Variants in HEPH observed in about 807,000 individuals in gnomAD.
The protein encoded by HEPH is hephaestin.
HEPH carries 69 observed loss-of-function variants against 80.8 expected under a neutral mutation model. The observed-to-expected ratio is 0.85, with a 90% CI of 0.70 to 1.04. The LOEUF (loss-of-function observed/expected upper bound fraction) is 1.04. Ranked by LOEUF, HEPH falls within the 50% of genes least tolerant of loss-of-function variation. The pLI is 0.00. For missense variants in HEPH, 1,115 were observed against 891.3 expected (o/e 1.25, Z -3.20); for synonymous variants, 431 against 322.8 (o/e 1.34, Z -3.60).
intron 15 of HEPH, among the ~76,000 whole-genome samples, chrX:66,225,629 G>T (rs1351702225): frequency 8.9e-6 from 1 of 112,512 alleles, no homozygotes; most frequent in Non-Finnish European, 1.9e-5. Flanking sequence ...TTCAGCCACT[G>T]CATTGATCCT....
At chrX:66,186,913 T>C (rs763647499) in intron 4 of HEPH, among the ~76,000 whole-genome samples, 1 of 111,357 alleles carries the variant, frequency 9.0e-6, no homozygotes, top group African/African-American at 3.3e-5. Context: ...AGGGGCTTTG[T>C]TCATTTTTTC....
chrX:66,250,475 C>G (rs770293992), intron 15 of HEPH, among the ~76,000 whole-genome samples: 1 of 111,207 alleles, frequency 9.0e-6, no homozygotes, highest in African/African-American at 3.3e-5. Context: ...TAATCACCAC[C>G]GCAATCAGGA....
Position 66,203,415 on chromosome X carries a change from G to C in HEPH, c.2129G>C (p.Arg710Thr), listed in dbSNP as rs762620654. The change falls in exon 13 of 21, where the codon AGG (arginine) becomes ACG (threonine). Residue 710 changes from arginine (R) to threonine (T), a missense_variant. Arg to Thr is a moderately conservative substitution (Grantham distance 71). This residue lies in a region of HEPH where 716 missense variants were observed against 523.5 expected (regional missense o/e 1.37). Coordinates refer to ENST00000343002, the MANE Select transcript of HEPH (RefSeq NM_001367233.3). The stretch of plus-strand genomic sequence containing the variant: ...GGCAGCCATCGAGAAGCAGGGATGA[G>C]GGCAATCTATAATGTCTCCCAGTGT... ...QAGSHREAGM[R>T]AIYNVSQCPG... The C allele has an allele frequency of 2.3e-5, 28 of 1,208,104 alleles. No homozygotes were observed. Among genetic ancestry groups the C allele is most frequent in the Middle Eastern group, 4.7e-4 (2 of 4,275 alleles).
chrX:66,170,287 T>C (rs2086538526), intron 1 of HEPH: 1 of 250,965 alleles, frequency 4.0e-6, no homozygotes, highest in Middle Eastern at 1.3e-3. Flanking sequence ...TGCTACACCA[T>C]TGAAAAAACT....
intron 12 of HEPH, among the ~76,000 whole-genome samples, chrX:66,202,964 AT>A (rs1456445808): frequency 5.8e-5 from 6 of 103,408 alleles, no homozygotes; most frequent in Non-Finnish European, 9.7e-5. Context: ...CACATAATAT[AT>A]TTTTATATAT....
At chrX:66,246,079 C>A in intron 15 of HEPH, among the ~76,000 whole-genome samples, 1 of 111,866 alleles carries the variant, frequency 8.9e-6, no homozygotes, top group Non-Finnish European at 1.9e-5. Flanking sequence ...CACAGAGTCC[C>A]AGCAGAAGTG....
chrX:66,228,697 A>G (rs951160775), intron 15 of HEPH, among the ~76,000 whole-genome samples: 1 of 112,079 alleles, frequency 8.9e-6, no homozygotes, highest in Non-Finnish European at 1.9e-5. Flanking sequence ...AAAAAATCCC[A>G]TCAAAATGTG....
chrX:66,232,450 C>A, intron 15 of HEPH, among the ~76,000 whole-genome samples: 1 of 111,504 alleles, frequency 9.0e-6, no homozygotes, highest in Non-Finnish European at 1.9e-5. Flanking sequence ...TGACATCAAC[C>A]ATACCACTAT....
chrX:66,236,941 T>C (rs1436473130), intron 15 of HEPH, among the ~76,000 whole-genome samples: 3 of 111,954 alleles, frequency 2.7e-5, no homozygotes, highest in Non-Finnish European at 5.6e-5. Flanking sequence ...TGGCTATCTG[T>C]ATTTCTGTAG....
chrX:66,240,057 A>G (rs953188725), intron 15 of HEPH, among the ~76,000 whole-genome samples: 6 of 112,341 alleles, frequency 5.3e-5, no homozygotes, highest in Admixed American at 4.7e-4. Context: ...AATGCCTGAA[A>G]GGGAAGTAAA....
At chrX:66,234,960 T>G (rs11797083) in intron 15 of HEPH, among the ~76,000 whole-genome samples, 1,256 of 110,957 alleles carry the variant, frequency 0.011, 18 homozygotes, top group Non-Finnish European at 0.016. Flanking sequence ...TTGAGCAGTT[T>G]TTTTTTTCCT....
At chrX:66,220,210 G>A (rs1279507934) in intron 15 of HEPH, among the ~76,000 whole-genome samples, 1 of 111,584 alleles carries the variant, frequency 9.0e-6, no homozygotes, top group Non-Finnish European at 1.9e-5. Flanking sequence ...ATAACAGGAA[G>A]TGACATTGAG....
chrX:66,196,506 T>A (rs981912876), intron 9 of HEPH, among the ~76,000 whole-genome samples: 1 of 112,311 alleles, frequency 8.9e-6, no homozygotes, highest in African/African-American at 3.2e-5. Flanking sequence ...TCCTTCCATA[T>A]GTTTCTTTGA....
At chrX:66,180,253 T>C (rs2087043376) in intron 4 of HEPH, among the ~76,000 whole-genome samples, 1 of 111,542 alleles carries the variant, frequency 9.0e-6, no homozygotes, top group Admixed American at 9.6e-5. Flanking sequence ...TTCCTGGATT[T>C]GTTTCAAGAT....
At chrX:66,245,412 G>T (rs1009024306) in intron 15 of HEPH, among the ~76,000 whole-genome samples, 1 of 111,781 alleles carries the variant, frequency 8.9e-6, no homozygotes, top group East Asian at 2.8e-4. Context: ...AAGGGATCAA[G>T]TCAACAAGAA....
At chrX:66,229,137 CATCA>C (rs1352062190) in intron 15 of HEPH, among the ~76,000 whole-genome samples, 3 of 111,755 alleles carry the variant, frequency 2.7e-5, no homozygotes, top group South Asian at 3.7e-4. Context: ...CTTAAATGCC[CATCA>C]ATCAGAGTGG....
chrX:66,195,305 A>T (rs1384987959), intron 9 of HEPH, 76 bp downstream of exon 9: 1 of 846,152 alleles, frequency 1.2e-6, no homozygotes, highest in African/African-American at 2.1e-5. Flanking sequence ...TAAATGGGAG[A>T]TGGAGAGGAT....
intron 15 of HEPH, among the ~76,000 whole-genome samples, chrX:66,236,533 T>A (rs2090368389): frequency 8.9e-6 from 1 of 112,115 alleles, no homozygotes; most frequent in Non-Finnish European, 1.9e-5. Flanking sequence ...TTGTTGATGA[T>A]ATTTTCATCA....
chrX:66,203,621 T>C (rs1602326565), intron 13 of HEPH, 44 bp downstream of exon 13: 1 of 1,097,251 alleles, frequency 9.1e-7, no homozygotes, highest in Admixed American at 2.4e-5. Context: ...AGAAAAACAT[T>C]TTGCAAATGA....
Sources: allele counts gnomAD v4.1 joint callset (sites outside exome capture counted in the v4.1 genomes callset), GRCh38; gene constraint gnomAD v4.1.1; regional missense constraint gnomAD v4.1.1; transcripts MANE v1.5; gene names NCBI Gene and HGNC (gene_info 2026-07-23, HGNC 2026-07-21).